The following FAAH2 variants were observed in gnomAD, a reference collection of about 807,000 sequenced individuals.
The protein encoded by FAAH2 is fatty-acid amide hydrolase 2.
A neutral mutation model predicts 36.9 loss-of-function variants in FAAH2; 60 were observed. The ratio of observed to expected loss-of-function variants is 1.63; its 90% confidence interval spans 1.32 to 2.02. FAAH2 has a LOEUF of 2.02. Among genes scored for constraint, FAAH2 ranks in the 30% most tolerant of loss-of-function variants. The pLI, the probability that FAAH2 is intolerant of heterozygous loss-of-function variation, is 0.00. For missense variants in FAAH2, 689 were observed against 397.5 expected, an observed-to-expected ratio of 1.73 and a Z score of -6.23; for synonymous variants, 214 against 143.8, an observed-to-expected ratio of 1.49 and a Z score of -3.49.
At chrX:57,267,458 G>A in the FAAH2 span, among the ~76,000 whole-genome samples, 1 of 112,595 alleles carries the variant, frequency 8.9e-6, no homozygotes, top group Non-Finnish European at 1.9e-5. Flanking sequence ...GCCTGCACTG[G>A]CCAGCATTCC....
intron 3 of FAAH2, 121 bp from the exon 4 acceptor site, chrX:57,331,477 C>A (rs531438228): frequency 7.3e-6 from 4 of 545,729 alleles, no homozygotes; most frequent in Non-Finnish European, 1.2e-5. Context: ...CTTTCCAATG[C>A]CCCAACCCTT....
chrX:57,186,464 C>A, the FAAH2 span, among the ~76,000 whole-genome samples: 3 of 111,645 alleles, frequency 2.7e-5, no homozygotes, highest in Non-Finnish European at 5.6e-5. Flanking sequence ...TGATATTAGA[C>A]CTTTTTCACA....
At chrX:57,308,798 A>G (rs1295339426) in intron 2 of FAAH2, among the ~76,000 whole-genome samples, 1 of 111,206 alleles carries the variant, frequency 9.0e-6, no homozygotes, top group East Asian at 2.8e-4. Context: ...CTTTATATCC[A>G]TTTTCCCAAT....
chrX:57,183,281 G>A, the FAAH2 span, among the ~76,000 whole-genome samples: 1 of 111,193 alleles, frequency 9.0e-6, no homozygotes, highest in African/African-American at 3.3e-5. Flanking sequence ...TCACCTTAAG[G>A]TACTATAACT....
At chrX:57,197,819 A>T in the FAAH2 span, among the ~76,000 whole-genome samples, 2 of 111,882 alleles carry the variant, frequency 1.8e-5, no homozygotes, top group Non-Finnish European at 1.9e-5. Context: ...CTTTGGCTGT[A>T]GTTTTGTTTA....
chrX:57,380,715 T>G (rs1481547105), intron 6 of FAAH2, among the ~76,000 whole-genome samples, 197 bp from the exon 7 acceptor site: 1 of 112,199 alleles, frequency 8.9e-6, no homozygotes, highest in African/African-American at 3.2e-5. Context: ...TTGATGCATT[T>G]CAAACCATTC....
chrX:57,390,446 C>A (rs5915005), intron 7 of FAAH2, among the ~76,000 whole-genome samples: 39,703 of 110,115 alleles, frequency 0.36, 6,157 homozygotes, highest in Middle Eastern at 0.61. Flanking sequence ...AAACAGTGAA[C>A]ATTTTATCCC....
chrX:57,373,714 T>C (rs1339515937), intron 5 of FAAH2, among the ~76,000 whole-genome samples: 1 of 112,019 alleles, frequency 8.9e-6, no homozygotes, highest in Non-Finnish European at 1.9e-5. Context: ...GCAAAAGCTC[T>C]TTAGTTTAAT....
At chrX:57,309,791 C>A (rs770387115) in intron 2 of FAAH2, among the ~76,000 whole-genome samples, 1 of 111,718 alleles carries the variant, frequency 9.0e-6, no homozygotes, top group Non-Finnish European at 1.9e-5. Flanking sequence ...GATCTCATTT[C>A]TTTTTGATGT....
chrX:57,330,958 C>A (rs760132342), intron 3 of FAAH2, among the ~76,000 whole-genome samples: 43 of 110,590 alleles, frequency 3.9e-4, no homozygotes, highest in Non-Finnish European at 7.4e-4. Context: ...CAGGCAGGAT[C>A]AGACTTGGGC....
the FAAH2 span, among the ~76,000 whole-genome samples, chrX:57,195,050 T>C: frequency 9.0e-6 from 1 of 111,510 alleles, no homozygotes; most frequent in East Asian, 2.8e-4. Context: ...ATTTTTGTAA[T>C]TGCAAATTCT....
the FAAH2 span, among the ~76,000 whole-genome samples, chrX:57,126,310 A>G: frequency 1.2e-4 from 14 of 112,317 alleles, no homozygotes; most frequent in African/African-American, 3.6e-4. Context: ...ATAGACATCA[A>G]TTGATACTGC....
At chrX:57,394,345 A>G (rs2055240709) in intron 7 of FAAH2, 1 of 1,169,816 alleles carries the variant, frequency 8.5e-7, no homozygotes, top group Non-Finnish European at 1.2e-6. Flanking sequence ...ATTTCCCAAC[A>G]GGCTGGTGCT....
intron 5 of FAAH2, among the ~76,000 whole-genome samples, chrX:57,358,733 A>G (rs1003646756): frequency 9.0e-6 from 1 of 111,577 alleles, no homozygotes; most frequent in Non-Finnish European, 1.9e-5. Flanking sequence ...GTGGATAAAT[A>G]TCTAGAAGTG....
the FAAH2 span, among the ~76,000 whole-genome samples, chrX:57,242,979 C>T: frequency 2.0e-4 from 22 of 112,111 alleles, no homozygotes; most frequent in East Asian, 5.6e-4. Flanking sequence ...ATCCCACCCC[C>T]GGAAAGCCCA....
At chrX:57,163,783 C>A in the FAAH2 span, among the ~76,000 whole-genome samples, 1 of 112,231 alleles carries the variant, frequency 8.9e-6, no homozygotes, top group Non-Finnish European at 1.9e-5. Context: ...GTGAGATGAA[C>A]CCGGTACCTC....
the FAAH2 span, among the ~76,000 whole-genome samples, chrX:57,246,189 C>T: frequency 7.2e-5 from 8 of 111,412 alleles, no homozygotes; most frequent in Non-Finnish European, 1.3e-4. Context: ...AAGTCGAATC[C>T]CTGAAAAGAC....
At chrX:57,121,782 C>G in the FAAH2 span, 1 of 112,631 alleles carries the variant, frequency 8.9e-6, no homozygotes, top group Non-Finnish European at 1.9e-5. Context: ...CCCACCTCCA[C>G]CTTCTTAGTC....
chrX:57,158,094 C>T, the FAAH2 span, among the ~76,000 whole-genome samples: 6 of 111,121 alleles, frequency 5.4e-5, no homozygotes, highest in Non-Finnish European at 9.4e-5. Context: ...TGAGAACATG[C>T]GGTCTTTGGT....
Sources: gnomAD v4.1 joint callset for allele counts (sites outside exome capture counted in the v4.1 genomes callset) on GRCh38, gnomAD v4.1.1 for gene constraint, MANE v1.5 for transcripts, NCBI Gene and HGNC (gene_info 2026-07-23, HGNC 2026-07-21) for gene names.